Variants in BCL11A observed in about 807,000 individuals in gnomAD.
The protein encoded by BCL11A is B cell CLL/lymphoma 11A.
A neutral mutation model predicts 55.9 loss-of-function variants in BCL11A; 2 were observed. That is an observed-to-expected ratio of 0.04 (90% CI 0.01 to 0.11). The LOEUF (loss-of-function observed/expected upper bound fraction) is 0.11, where lower values mean the gene tolerates loss of function less well. Among genes scored for constraint, BCL11A ranks in the 10% least tolerant of loss-of-function variants. The pLI is 1.00. For synonymous variants in BCL11A, 465 were observed against 473.4 expected (o/e 0.98, Z 0.23); for missense variants, 817 against 1,137.1 (o/e 0.72, Z 4.05).
At chr2:60,472,718 T>A (rs1677277385) in intron 2 of BCL11A, among the ~76,000 whole-genome samples, 1 of 152,256 alleles carries the variant, frequency 6.6e-6, no homozygotes, top group South Asian at 2.1e-4. Context: ...AGTTTTTTGG[T>A]TTCCTCAAGA....
In BCL11A at chr2:60,461,799, C is replaced by A. The variant is rs2103850897; in HGVS notation, c.1113G>T (p.Gln371His). Residue 371 changes from glutamine to histidine, a missense_variant, in exon 4 of 4, where the codon CAG becomes CAT. Physicochemically the swap from Gln to His is conservative, Grantham distance 24 (BLOSUM62 0). This residue lies in a region of BCL11A where 363 missense variants were observed against 486.6 expected (regional missense o/e 0.75). Coordinates refer to ENST00000642384, the MANE Select transcript of BCL11A (RefSeq NM_022893.4). ...CGCATGACTTGGACTTGACCGGGGG[C>A]TGGGAGGGAGGAGGGGCGGATTGCA... is the stretch of plus-strand genomic sequence containing the variant. Reference protein sequence around the residue: ...PPLQSAPPPSQPPVKSKSCEF... With the variant: ...PPLQSAPPPSHPPVKSKSCEF... The A allele has an allele frequency of 7.9e-7, 1 of 1,267,522 alleles. No individual in the cohort carries two copies. The highest frequency in any genetic ancestry group is 4.3e-5 in the East Asian group (1 of 23,424). The allele number at this position is 1,267,522 out of a possible 1,614,324, so 78.5% of individuals were successfully genotyped here. A position where few individuals can be genotyped will look rare whatever the true frequency, so the allele number is the denominator to read the frequency against.
intron 2 of BCL11A, among the ~76,000 whole-genome samples, chr2:60,495,498 G>A (rs1678894204): frequency 6.6e-6 from 1 of 152,174 alleles, no homozygotes; most frequent in South Asian, 2.1e-4. Context: ...CTGTCTAGCT[G>A]CCTTCCTTAT....
intron 2 of BCL11A, among the ~76,000 whole-genome samples, chr2:60,473,615 C>G (rs1466188698): frequency 6.6e-6 from 1 of 152,216 alleles, no homozygotes; most frequent in Non-Finnish European, 1.5e-5. Flanking sequence ...GCTTCTTTAC[C>G]TAACTGCAAA....
intron 2 of BCL11A, among the ~76,000 whole-genome samples, chr2:60,474,619 G>A (rs751960794): frequency 2.0e-5 from 3 of 152,222 alleles, no homozygotes; most frequent in Non-Finnish European, 2.9e-5. Flanking sequence ...GAGGGCAGCT[G>A]CATAAAAAGA....
intron 2 of BCL11A, among the ~76,000 whole-genome samples, chr2:60,497,792 G>A (rs1232738919): frequency 6.6e-6 from 1 of 152,030 alleles, no homozygotes; most frequent in East Asian, 1.9e-4. Context: ...GGACTCAGTG[G>A]CCTCTTTTGT....
In BCL11A at chr2:60,546,064, G is replaced by T; in HGVS notation, c.292C>A (p.Pro98Thr). Residue 98 changes from proline (P) to threonine (T), a missense_variant, in exon 2 of 4, where the codon CCC (proline) becomes ACC (threonine). This residue lies in a region of BCL11A where 363 missense variants were observed against 486.6 expected (regional missense o/e 0.75). Transcript: ENST00000642384. This position sits in a 1 kb window ranked among gnomAD's most constrained non-coding sequence, Gnocchi z 4.1. ...GTGACCTGGATGCCAACCTCCACGG[G>T]ATTGGATGCTTTTTTCATCTCGATT... ...SPIEMKKASN[P>T]VEVGIQVTPE... The T allele has an allele frequency of 6.2e-7, 1 of 1,614,234 alleles. No homozygotes were observed. Among genetic ancestry groups the T allele is most frequent in the Non-Finnish European group, 8.5e-7 (1 of 1,180,050 alleles).
At chr2:60,490,272 C>T (rs1053661572) in intron 2 of BCL11A, among the ~76,000 whole-genome samples, 10 of 152,148 alleles carry the variant, frequency 6.6e-5, no homozygotes, top group African/African-American at 2.4e-4. Flanking sequence ...TTGCAGAGTC[C>T]TCACTTAACA....
At chr2:60,529,850 A>T (rs1553348914) in intron 2 of BCL11A, among the ~76,000 whole-genome samples, 1 of 152,186 alleles carries the variant, frequency 6.6e-6, no homozygotes, top group Non-Finnish European at 1.5e-5. Context: ...TCCCCAAACC[A>T]CTTGAAAGCC....
chr2:60,492,437 A>G (rs112918024), intron 2 of BCL11A, among the ~76,000 whole-genome samples: 22 of 152,314 alleles, frequency 1.4e-4, no homozygotes, highest in African/African-American at 5.1e-4. Context: ...ATTTCTAGGG[A>G]AGAAAAAAAC....
intron 2 of BCL11A, chr2:60,527,209 C>T (rs1302329936): frequency 6.6e-6 from 1 of 152,114 alleles, no homozygotes; most frequent in Non-Finnish European, 1.5e-5. Context: ...AGAGATGTGG[C>T]CTGATTTTCA....
At chr2:60,508,236 C>A (rs918289020) in intron 2 of BCL11A, among the ~76,000 whole-genome samples, 1 of 152,046 alleles carries the variant, frequency 6.6e-6, no homozygotes, top group Non-Finnish European at 1.5e-5. Context: ...CAACAAATTA[C>A]ACAAATAAAA....
intron 2 of BCL11A, among the ~76,000 whole-genome samples, chr2:60,505,240 T>C (rs751196102): frequency 2.6e-4 from 39 of 152,090 alleles, no homozygotes; most frequent in Non-Finnish European, 5.0e-4. Context: ...CCAAAAAAGC[T>C]AGAGGATCGG....
rs748795494 is a variant in BCL11A at position 60,461,201 on chromosome 2, T to C, written c.1711A>G (p.Lys571Glu). The change falls in exon 4 of 4, where the codon AAG (lysine) becomes GAG (glutamate). Residue 571 changes from lysine (K) to glutamate (E), a missense_variant. Physicochemically the swap from Lys to Glu is moderately conservative, Grantham distance 56. Transcript: ENST00000642384. ...TCGGCCTCGGCCAGGTGGCCGCGCT[T>C]ATGCTTCTCGCCCAGGACCTGGTGG... is the stretch of plus-strand genomic sequence containing the variant. Reference protein sequence around the residue: ...AFHQVLGEKHKRGHLAEAEGH... With the variant: ...AFHQVLGEKHERGHLAEAEGH... 132 of 1,612,242 alleles carry C rather than the reference T, an allele frequency of 8.2e-5. No homozygotes were observed. Among genetic ancestry groups the C allele is most frequent in the Non-Finnish European group, 1.1e-4 (129 of 1,179,830 alleles).
At chr2:60,550,087 A>AG (rs1209896668) in intron 1 of BCL11A, among the ~76,000 whole-genome samples, 1 of 151,902 alleles carries the variant, frequency 6.6e-6, no homozygotes, top group Non-Finnish European at 1.5e-5. Context: ...CATGGGGGTG[A>AG]GGGGGTGGAA....
Position 60,546,322 on chromosome 2 carries a change from C to T in BCL11A, c.56-22G>A, listed in dbSNP as rs750336562. The T allele has an allele frequency of 1.2e-6, 2 of 1,604,232 alleles. No individual in the cohort carries two copies. The highest frequency in any genetic ancestry group is 1.7e-6 in the Non-Finnish European group (2 of 1,173,442). The stretch of plus-strand genomic sequence containing the variant: ...TCGGCTGTGGTTGGAGAAACAAAAG[C>T]ACAATTATTAGAGTGCCAGAGAGGA... On this transcript the variant is annotated intron_variant, in intron 1 of 3. Coordinates refer to ENST00000642384, the MANE Select transcript of BCL11A (RefSeq NM_022893.4). This position sits in a 1 kb window ranked among gnomAD's most constrained non-coding sequence, Gnocchi z 4.1.
chr2:60,551,237 C>T (rs764205727), intron 1 of BCL11A, among the ~76,000 whole-genome samples: 77 of 152,376 alleles, frequency 5.1e-4, no homozygotes, highest in Non-Finnish European at 1.0e-3. Context: ...GTGCCCACCG[C>T]CCGCCTTTCC....
intron 1 of BCL11A, among the ~76,000 whole-genome samples, chr2:60,551,519 G>T (rs1257993012): frequency 6.6e-6 from 1 of 152,258 alleles, no homozygotes; most frequent in East Asian, 1.9e-4. Flanking sequence ...AGCACGTGGT[G>T]ACCTCCTCGC....
intron 2 of BCL11A, chr2:60,484,583 A>G (rs1678159177): frequency 6.6e-6 from 1 of 151,686 alleles, no homozygotes; most frequent in African/African-American, 2.4e-5. Context: ...AATATTTCCT[A>G]TTTTTTTGCA....
At chr2:60,552,690 G>T (rs911825317) in intron 1 of BCL11A, among the ~76,000 whole-genome samples, 3 of 152,124 alleles carry the variant, frequency 2.0e-5, no homozygotes, top group Non-Finnish European at 4.4e-5. Context: ...GACCGTGAGC[G>T]CGCTGGTGTC....
Sources: allele counts gnomAD v4.1 joint callset (sites outside exome capture counted in the v4.1 genomes callset), GRCh38; gene constraint gnomAD v4.1.1; regional missense constraint gnomAD v4.1.1; non-coding constraint Gnocchi (gnomAD v3.1); transcripts MANE v1.5; gene names NCBI Gene and HGNC (gene_info 2026-07-23, HGNC 2026-07-21).